Variants in ZNF469 observed in about 807,000 individuals in gnomAD.
The protein encoded by ZNF469 is zinc finger protein 469.
Under a neutral mutation model 1.0 loss-of-function variants are expected in ZNF469, and 1 was observed. The observed-to-expected ratio is 1.00, with a 90% confidence interval of 0.35 to 4.73. The LOEUF (loss-of-function observed/expected upper bound fraction) is 4.73. Ranked by LOEUF, ZNF469 falls within the 30% of genes most tolerant of loss-of-function variation. The pLI, the probability that ZNF469 is intolerant of heterozygous loss-of-function variation, is 0.16. For synonymous variants in ZNF469, 2,703 were observed against 2,363.4 expected, an observed-to-expected ratio of 1.14 and a Z score of -4.17; for missense variants, 6,100 against 5,356.3, an observed-to-expected ratio of 1.14 and a Z score of -4.33.
the ZNF469 span, among the ~76,000 whole-genome samples, chr16:88,144,878 C>G: frequency 1.3e-5 from 2 of 150,960 alleles, no homozygotes; most frequent in South Asian, 4.2e-4. Context: ...GAGGCGGGGT[C>G]TCGCTCTGTA....
the ZNF469 span, among the ~76,000 whole-genome samples, chr16:88,186,565 C>G: frequency 3.9e-5 from 6 of 152,200 alleles, no homozygotes; most frequent in Admixed American, 3.9e-4. Flanking sequence ...CCAGAGGGGA[C>G]CCGCAGGGAC....
At chr16:88,300,472 C>T in the ZNF469 span, among the ~76,000 whole-genome samples, 2 of 151,974 alleles carry the variant, frequency 1.3e-5, no homozygotes, top group Non-Finnish European at 2.9e-5. Flanking sequence ...AGGGCCCCGA[C>T]ACTGCTCACA....
the ZNF469 span, among the ~76,000 whole-genome samples, chr16:88,351,118 G>C: frequency 6.6e-6 from 1 of 152,220 alleles, no homozygotes; most frequent in East Asian, 1.9e-4. Flanking sequence ...GTCGGGGTCA[G>C]TCACTCCAGG....
the ZNF469 span, among the ~76,000 whole-genome samples, chr16:88,321,295 G>A: frequency 6.6e-6 from 1 of 152,274 alleles, no homozygotes; most frequent in African/African-American, 2.4e-5. Flanking sequence ...CAGCCTTCAG[G>A]CAGAATCCAC....
In ZNF469 at chr16:88,427,890, A is replaced by G. The variant is rs1207571968; in HGVS notation, c.420A>G (p.Pro140=). Residue 140 remains proline (P), a synonymous_variant, in exon 3 of 3, where the codon CCA becomes CCG. Transcript: ENST00000565624. ...CCCTGGACGAGACACCAGAGAACCCACAGCTGGAGGCTGCCCAGCTCCCTG... is the reference window on the plus strand; with the variant it reads ...CCCTGGACGAGACACCAGAGAACCCGCAGCTGGAGGCTGCCCAGCTCCCTG... The part of the protein sequence containing the change: ...KPTLDETPEN[P]QLEAAQLPEV... 2 of 1,549,738 alleles carry G rather than the reference A, an allele frequency of 1.3e-6. No individual in the cohort carries two copies. The highest frequency in any genetic ancestry group is 4.9e-5 in the East Asian group (2 of 40,876).
the ZNF469 span, among the ~76,000 whole-genome samples, chr16:88,111,637 TTTTGTTTG>T: frequency 6.6e-5 from 10 of 152,076 alleles, no homozygotes; most frequent in African/African-American, 2.4e-5. Context: ...TTTTTGTTTG[TTTTGTTTG>T]TTTGTTTGTT....
chr16:88,374,897 A>G, the ZNF469 span, among the ~76,000 whole-genome samples: 2 of 152,220 alleles, frequency 1.3e-5, no homozygotes, highest in South Asian at 4.1e-4. Flanking sequence ...AGTTCGCAGC[A>G]GATGTAAAGG....
At chr16:88,126,386 T>C in the ZNF469 span, among the ~76,000 whole-genome samples, 123,427 of 151,244 alleles carry the variant, frequency 0.82, 51,054 homozygotes, top group Middle Eastern at 0.91. Flanking sequence ...GGGGGAAACG[T>C]CTCGTATTTC....
the ZNF469 span, among the ~76,000 whole-genome samples, chr16:88,265,127 C>T: frequency 1.3e-5 from 2 of 152,162 alleles, no homozygotes; most frequent in Non-Finnish European, 1.5e-5. Context: ...CAGGCCAAGG[C>T]GCTGTCTGGA....
the ZNF469 span, among the ~76,000 whole-genome samples, chr16:88,120,291 T>G: frequency 3.9e-5 from 6 of 152,224 alleles, no homozygotes; most frequent in Non-Finnish European, 7.4e-5. Context: ...TCTGGGGTCC[T>G]TGCAGGAGGC....
chr16:88,322,485 G>C, the ZNF469 span, among the ~76,000 whole-genome samples: 2 of 152,236 alleles, frequency 1.3e-5, no homozygotes, highest in Non-Finnish European at 2.9e-5. Context: ...CATGGCAGTG[G>C]GGAGCCAACT....
At chr16:88,388,034 A>G (rs1264541259) in intron 1 of ZNF469, among the ~76,000 whole-genome samples, 1 of 152,248 alleles carries the variant, frequency 6.6e-6, no homozygotes, top group Admixed American at 6.5e-5. Flanking sequence ...TGCGTTACCA[A>G]GTGGGGTGCA....
the ZNF469 span, among the ~76,000 whole-genome samples, chr16:88,185,738 A>G: frequency 7.5e-6 from 1 of 133,500 alleles, no homozygotes; most frequent in Admixed American, 7.9e-5. Flanking sequence ...ACACACGCAT[A>G]CACACTCGTG....
the ZNF469 span, among the ~76,000 whole-genome samples, chr16:88,157,018 A>G: frequency 2.0e-5 from 3 of 152,326 alleles, no homozygotes; most frequent in East Asian, 5.8e-4. Context: ...TCATCTCTAG[A>G]TGGGCCTCGG....
At chr16:88,262,949 G>A in the ZNF469 span, among the ~76,000 whole-genome samples, 1 of 152,366 alleles carries the variant, frequency 6.6e-6, no homozygotes, top group Middle Eastern at 3.4e-3. This position sits in a 1 kb window ranked among gnomAD's most constrained non-coding sequence, Gnocchi z 4.3. Context: ...AGTGGGGCTG[G>A]GCTCCCTCTC....
At chr16:88,126,775 T>C in the ZNF469 span, among the ~76,000 whole-genome samples, 114,190 of 151,058 alleles carry the variant, frequency 0.76, 45,659 homozygotes, top group Middle Eastern at 0.9. Flanking sequence ...TGCCTCAGCC[T>C]CCTGAGTAGC....
the ZNF469 span, among the ~76,000 whole-genome samples, chr16:88,114,985 G>A: frequency 6.6e-6 from 1 of 152,124 alleles, no homozygotes; most frequent in African/African-American, 2.4e-5. Context: ...GATGCTTCTG[G>A]GGCCGGGGAA....
At chr16:88,401,128 G>A (rs142161676) in intron 1 of ZNF469, among the ~76,000 whole-genome samples, 15 of 152,240 alleles carry the variant, frequency 9.9e-5, no homozygotes, top group African/African-American at 3.1e-4. Flanking sequence ...GACCCCAGAA[G>A]ACTGGGTACA....
the ZNF469 span, among the ~76,000 whole-genome samples, chr16:88,149,720 T>C: frequency 6.6e-6 from 1 of 152,140 alleles, no homozygotes; most frequent in Non-Finnish European, 1.5e-5. Context: ...TGCCAGGGCA[T>C]TGGGCCTCAG....
Sources: gnomAD v4.1 joint callset for allele counts (sites outside exome capture counted in the v4.1 genomes callset) on GRCh38, gnomAD v4.1.1 for gene constraint, Gnocchi (gnomAD v3.1) non-coding constraint, MANE v1.5 for transcripts, NCBI Gene and HGNC (gene_info 2026-07-23, HGNC 2026-07-21) for gene names.